Variants in CCDC93 observed in about 807,000 individuals in gnomAD.
CCDC93 encodes the protein coiled-coil domain-containing protein 93.
CCDC93 carries 61 observed loss-of-function variants against 108.2 expected under a neutral mutation model. That is an observed-to-expected ratio of 0.56 (90% CI 0.46 to 0.70). The LOEUF is 0.70. Ranked by LOEUF, CCDC93 falls within the 30% of genes least tolerant of loss-of-function variation. CCDC93 has a pLI of 0.00. For synonymous variants in CCDC93, 276 were observed against 260.4 expected (o/e 1.06, Z -0.58); for missense variants, 685 against 764.2 (o/e 0.90, Z 1.22).
chr2:118,002,853 ATAGTAAGACCTT>A (rs1226185880), intron 3 of CCDC93, among the ~76,000 whole-genome samples: 1 of 152,190 alleles, frequency 6.6e-6, no homozygotes, highest in African/African-American at 2.4e-5. Context: ...CCTGGGCAAC[ATAGTAAGACCTT>A]GTCTGCATAA....
chr2:118,001,008 A>G, intron 3 of CCDC93, 76 bp from the exon 4 acceptor site: 1 of 862,922 alleles, frequency 1.2e-6, no homozygotes, highest in East Asian at 2.5e-5. Flanking sequence ...TCTGGGCAGC[A>G]TCACAGACGG....
chr2:117,930,948 AC>A, intron 23 of CCDC93, 88 bp downstream of exon 23: 1 of 796,022 alleles, frequency 1.3e-6, no homozygotes, highest in Non-Finnish European at 2.1e-6. Context: ...CCAGAGGAAA[AC>A]CAAAAAACTG....
chr2:117,919,019 G>A lies in CCDC93; in HGVS notation c.*1324C>T, dbSNP rs1677778903. 6.6e-6 allele frequency: 1 copy of A among 152,200 alleles called. No homozygotes were observed. Among genetic ancestry groups the A allele is most frequent in the African/African-American group, 2.4e-5 (1 of 41,442 alleles). 9.4% of individuals were successfully genotyped at this position (152,200 alleles called of 1,614,324 possible). ...GACATGTTTAAGCTTTTGTGTTACT[G>A]TGCAAACCTGCCACCTGGTATGTTT... On this transcript the variant is annotated 3_prime_UTR_variant, in exon 24 of 24. Transcript: ENST00000376300.
intron 21 of CCDC93, among the ~76,000 whole-genome samples, chr2:117,936,360 A>G (rs1263518193): frequency 1.3e-5 from 2 of 152,226 alleles, no homozygotes; most frequent in African/African-American, 4.8e-5. Flanking sequence ...AAAATTATAT[A>G]AATTCCATTA....
intron 11 of CCDC93, among the ~76,000 whole-genome samples, chr2:117,973,326 C>T (rs906477361): frequency 1.1e-4 from 17 of 151,716 alleles, no homozygotes; most frequent in Non-Finnish European, 4.4e-5. Flanking sequence ...GATACCACAT[C>T]TCAGCCACAC....
chr2:117,953,409 C>T (rs1016922640), intron 12 of CCDC93, among the ~76,000 whole-genome samples: 2 of 152,026 alleles, frequency 1.3e-5, no homozygotes, highest in South Asian at 2.1e-4. Context: ...GGTTCTGGTG[C>T]CCCCCTTTTC....
chr2:117,968,203 C>T (rs964820419), intron 11 of CCDC93, among the ~76,000 whole-genome samples: 2 of 152,198 alleles, frequency 1.3e-5, no homozygotes, highest in African/African-American at 2.4e-5. Context: ...TTCCTGCCCT[C>T]CCAGGGACCT....
At chr2:117,976,708 C>A (rs1328733851) in intron 8 of CCDC93, among the ~76,000 whole-genome samples, 1 of 152,048 alleles carries the variant, frequency 6.6e-6, no homozygotes, top group Non-Finnish European at 1.5e-5. Context: ...AGTCACTCAG[C>A]GAATAGAGGA....
intron 11 of CCDC93, among the ~76,000 whole-genome samples, chr2:117,964,455 A>C (rs939631874): frequency 7.9e-5 from 12 of 152,186 alleles, no homozygotes; most frequent in Non-Finnish European, 5.9e-5. Context: ...CTGAGAGTAT[A>C]CTATAATCCT....
intron 11 of CCDC93, among the ~76,000 whole-genome samples, chr2:117,959,922 A>C (rs891799870): frequency 2.0e-5 from 3 of 152,212 alleles, no homozygotes; most frequent in African/African-American, 7.2e-5. Flanking sequence ...TCTGAAAATT[A>C]TTTGAGAGTA....
intron 11 of CCDC93, among the ~76,000 whole-genome samples, chr2:117,966,832 A>G (rs1679596548): frequency 6.6e-6 from 1 of 152,260 alleles, no homozygotes; most frequent in African/African-American, 2.4e-5. Context: ...AAAAGGTCAG[A>G]GGCAATGGTG....
chr2:117,949,393 C>T lies in CCDC93; in HGVS notation c.1071G>A (p.Leu357=). 1 of 1,611,564 alleles carries T rather than the reference C, an allele frequency of 6.2e-7. No homozygotes were observed. The highest frequency in any genetic ancestry group is 8.5e-7 in the Non-Finnish European group (1 of 1,177,726). ...TGTCCAGTTTCTCACTGTAAGTCTT[C>T]AGCTGCAAGAGAGAATGAAGACATG... ...YNEAKKTLTE[L]KTYSEKLDKE... Residue 357 remains leucine (L), a splice_region_variant and synonymous_variant, in exon 14 of 24, where the codon CTG becomes CTA. Transcript: ENST00000376300.
chr2:117,969,048 T>C (rs1679677264), intron 11 of CCDC93, among the ~76,000 whole-genome samples: 1 of 152,222 alleles, frequency 6.6e-6, no homozygotes, highest in Non-Finnish European at 1.5e-5. Flanking sequence ...ACACCTGCCT[T>C]TGTGTAACCC....
In CCDC93 at chr2:117,975,254, T is replaced by G. The variant is rs780130139; in HGVS notation, c.684A>C (p.Pro228=). ...CTTTTTCTGTAGCTGACAGCCCTGC[T>G]GGAAGTGCCGTTTTCTTGTCCTCAG... ...EKAEDKKTAL[P]AGLSATEKAD... Residue 228 remains proline, a synonymous_variant, in exon 9 of 24, where the codon CCA becomes CCC. Transcript: ENST00000376300. The G allele has an allele frequency of 4.1e-5, 66 of 1,613,662 alleles. No homozygotes were observed. The highest frequency in any genetic ancestry group is 2.7e-4 in the Admixed American group (16 of 60,026).
chr2:118,001,221 T>C (rs1048966299), intron 3 of CCDC93: 43 of 253,566 alleles, frequency 1.7e-4, no homozygotes, highest in Admixed American at 1.1e-3. Flanking sequence ...TTAGAGGTAG[T>C]CGTTACTATT....
At chr2:117,925,049 T>TAAAATACAGAAAAAC in intron 23 of CCDC93, among the ~76,000 whole-genome samples, 1 of 152,056 alleles carries the variant, frequency 6.6e-6, no homozygotes, top group South Asian at 2.1e-4. Context: ...GAAGGAGAAA[T>TAAAATACAGAAAAAC]AAAATACAGA....
At position 117,936,656 on chromosome 2, in the gene CCDC93, G is replaced by A. The variant is rs763034359; in HGVS notation, c.1643+46C>T. 35 of 1,509,148 alleles carry A rather than the reference G, an allele frequency of 2.3e-5. No individual in the cohort carries two copies. In the East Asian group the frequency reaches 2.7e-4, roughly 12 times the overall value. 93.5% of individuals were successfully genotyped at this position (1,509,148 alleles called of 1,614,324 possible). ...ATGTGAGGTGGGCTGAATTCAAAGC[G>A]CAGGCCGGCAGGGTATTAGTGGGAA... On this transcript the variant is annotated intron_variant, in intron 21 of 23. Transcript: ENST00000376300.
At chr2:118,000,350 T>C (rs1178761208) in intron 4 of CCDC93, 2 of 152,800 alleles carry the variant, frequency 1.3e-5, no homozygotes, top group African/African-American at 2.4e-5. Flanking sequence ...AAGTAAGCCA[T>C]ATGAATTAAA....
chr2:117,951,542 T>C (rs1482291316), intron 13 of CCDC93: 2 of 998,314 alleles, frequency 2.0e-6, no homozygotes, highest in African/African-American at 1.7e-5. Context: ...GTAGGGATAC[T>C]GGGTTGGTTT....
Sources: gnomAD v4.1 joint callset for allele counts (sites outside exome capture counted in the v4.1 genomes callset) on GRCh38, gnomAD v4.1.1 for gene constraint, MANE v1.5 for transcripts, NCBI Gene and HGNC (gene_info 2026-07-23, HGNC 2026-07-21) for gene names.